Variants in KDM2A observed in about 807,000 individuals in gnomAD.
KDM2A encodes lysine-specific demethylase 2A.
In KDM2A, 3 loss-of-function variants were observed where a neutral mutation model predicts 137.3. The ratio of observed to expected loss-of-function variants is 0.02; its 90% confidence interval spans 0.01 to 0.06. The LOEUF (loss-of-function observed/expected upper bound fraction) is 0.06, where lower values mean the gene tolerates loss of function less well. Ranked by LOEUF, KDM2A falls within the 10% of genes least tolerant of loss-of-function variation. The pLI is 1.00. For missense variants in KDM2A, 738 were observed against 1,510.6 expected (o/e 0.49, Z 8.48); for synonymous variants, 512 against 541.5 (o/e 0.95, Z 0.76).
At chr11:67,139,445 G>A (rs11822036) in intron 2 of KDM2A, among the ~76,000 whole-genome samples, 37 of 152,078 alleles carry the variant, frequency 2.4e-4, no homozygotes, top group African/African-American at 8.2e-4. Context: ...GGTTTTCTCC[G>A]TGTTGGCCAG....
chr11:67,147,993 A>G (rs1011225369), intron 2 of KDM2A, among the ~76,000 whole-genome samples: 1 of 152,026 alleles, frequency 6.6e-6, no homozygotes, highest in African/African-American at 2.4e-5. Flanking sequence ...AGAGAGTCTT[A>G]TAGCAAATGT....
At chr11:67,251,161 A>G (rs72930739) in intron 17 of KDM2A, among the ~76,000 whole-genome samples, 8,707 of 152,270 alleles carry the variant, frequency 0.057, 371 homozygotes, top group Non-Finnish European at 0.094. Flanking sequence ...TTGAGAGCCT[A>G]TGATGTTCTA....
At chr11:67,196,550 A>G in intron 5 of KDM2A, 2 of 445,186 alleles carry the variant, frequency 4.5e-6, no homozygotes, top group Non-Finnish European at 9.0e-6. Flanking sequence ...AGCCTTAAAA[A>G]GGAAGGAAAT....
intron 12 of KDM2A, among the ~76,000 whole-genome samples, chr11:67,236,944 C>T (rs958131311): frequency 6.6e-6 from 1 of 152,030 alleles, no homozygotes; most frequent in Non-Finnish European, 1.5e-5. Context: ...TAAAAGTGGG[C>T]TAAGAAATAG....
At chr11:67,235,612 T>C (rs958969657) in intron 12 of KDM2A, among the ~76,000 whole-genome samples, 2 of 141,148 alleles carry the variant, frequency 1.4e-5, no homozygotes, top group African/African-American at 5.6e-5. Context: ...CTTTTTTGTT[T>C]TGTTTTGTTT....
intron 2 of KDM2A, among the ~76,000 whole-genome samples, chr11:67,177,000 G>T (rs961309290): frequency 1.3e-5 from 2 of 152,012 alleles, no homozygotes; most frequent in Non-Finnish European, 2.9e-5. Context: ...GCTCACGCCT[G>T]TAATCCCAGC....
chr11:67,217,962 A>T, intron 9 of KDM2A, 78 bp downstream of exon 9: 2 of 1,251,772 alleles, frequency 1.6e-6, no homozygotes, highest in Non-Finnish European at 2.2e-6. Flanking sequence ...TACCACCAAG[A>T]ATAGTTATGA....
intron 12 of KDM2A, among the ~76,000 whole-genome samples, chr11:67,241,705 G>A (rs1183666892): frequency 6.6e-6 from 1 of 152,156 alleles, no homozygotes; most frequent in Admixed American, 6.5e-5. Context: ...TTGCTTTAGG[G>A]CTCATAAGGT....
intron 5 of KDM2A, among the ~76,000 whole-genome samples, chr11:67,191,994 C>T (rs1857366081): frequency 6.6e-6 from 1 of 152,102 alleles, no homozygotes; most frequent in Admixed American, 6.5e-5. Context: ...TGCTGTTTGT[C>T]AAATATTTCA....
At chr11:67,240,758 A>G (rs1429860655) in intron 12 of KDM2A, among the ~76,000 whole-genome samples, 1 of 151,944 alleles carries the variant, frequency 6.6e-6, no homozygotes, top group Admixed American at 6.6e-5. Context: ...GCTTCTTTAT[A>G]TGGTTTCTTG....
chr11:67,191,147 G>A (rs538756854), intron 5 of KDM2A, among the ~76,000 whole-genome samples: 8 of 152,130 alleles, frequency 5.3e-5, no homozygotes, highest in East Asian at 1.9e-4. Context: ...GGGTTCAAGC[G>A]ATTCCCTGCC....
chr11:67,137,323 CAG>C (rs1321796018), intron 2 of KDM2A, among the ~76,000 whole-genome samples: 1 of 152,112 alleles, frequency 6.6e-6, no homozygotes, highest in African/African-American at 2.4e-5. Flanking sequence ...GGACCAATGT[CAG>C]TGGTTGCAAT....
chr11:67,200,238 C>T (rs962564200), intron 5 of KDM2A, among the ~76,000 whole-genome samples: 12 of 151,384 alleles, frequency 7.9e-5, no homozygotes, highest in Non-Finnish European at 1.5e-4. Flanking sequence ...TCTTTTTAGA[C>T]GGAGTCTCTC....
At chr11:67,230,758 T>G (rs532055283) in intron 11 of KDM2A, among the ~76,000 whole-genome samples, 4 of 152,316 alleles carry the variant, frequency 2.6e-5, no homozygotes, top group African/African-American at 9.6e-5. Context: ...ATGACTTATT[T>G]ACCGCTTTGC....
At position 67,153,817 on chromosome 11, in the gene KDM2A, A is replaced by G. The variant is rs529928588; in HGVS notation, c.43-26262A>G. Among the ~76,000 whole-genome samples, 9 of 151,656 alleles carry G rather than the reference A, an allele frequency of 5.9e-5. No homozygotes were observed. In the South Asian group the frequency reaches 1.9e-3, roughly 31 times the overall value. On this transcript the variant is annotated intron_variant, in intron 2 of 20. Transcript: ENST00000529006. The stretch of plus-strand genomic sequence containing the variant: ...AGTAACAGTGAGACCCTGTCTCAAA[A>G]AAAAAAAAAAAAACACCAAAAACAA...
At chr11:67,170,408 CTTTTTTTTT>C (rs923665021) in intron 2 of KDM2A, among the ~76,000 whole-genome samples, 14 of 92,826 alleles carry the variant, frequency 1.5e-4, no homozygotes, top group South Asian at 1.4e-3. Context: ...TTCTTTCTTT[CTTTTTTTTT>C]TTTTTTTTTT....
chr11:67,180,715 C>G (rs1190956181), intron 3 of KDM2A, among the ~76,000 whole-genome samples: 1 of 151,644 alleles, frequency 6.6e-6, no homozygotes, highest in Non-Finnish European at 1.5e-5. Flanking sequence ...TGCAGTGGTG[C>G]GATCTCGGCT....
intron 2 of KDM2A, among the ~76,000 whole-genome samples, chr11:67,152,569 C>T (rs1271459984): frequency 6.6e-6 from 1 of 151,826 alleles, no homozygotes; most frequent in East Asian, 1.9e-4. Context: ...GATCATGCCA[C>T]TGCACTCTAG....
chr11:67,182,947 G>C (rs375592749), intron 5 of KDM2A, among the ~76,000 whole-genome samples: 4 of 152,216 alleles, frequency 2.6e-5, no homozygotes, highest in African/African-American at 9.6e-5. Flanking sequence ...TAAAGCTCCA[G>C]TGCCATTCCT....
Sources: allele counts gnomAD v4.1 joint callset (sites outside exome capture counted in the v4.1 genomes callset), GRCh38; gene constraint gnomAD v4.1.1; transcripts MANE v1.5; gene names NCBI Gene and HGNC (gene_info 2026-07-23, HGNC 2026-07-21).